ANKS1B: variants seen among roughly 807,000 people sequenced by gnomAD.
ANKS1B encodes ankyrin repeat and sterile alpha motif domain-containing protein 1B.
In ANKS1B, 36 loss-of-function variants were observed where a neutral mutation model predicts 148.3. The ratio of observed to expected loss-of-function variants is 0.24; its 90% CI spans 0.19 to 0.32. The LOEUF (loss-of-function observed/expected upper bound fraction) is 0.32, where lower values mean the gene tolerates loss of function less well. Among genes scored for constraint, ANKS1B ranks in the 10% least tolerant of loss-of-function variants. ANKS1B has a pLI of 1.00. For synonymous variants in ANKS1B, 542 were observed against 560.8 expected, an observed-to-expected ratio of 0.97 and a Z score of 0.47; for missense variants, 1,157 against 1,542.6, an observed-to-expected ratio of 0.75 and a Z score of 4.19.
At chr12:99,159,117 T>A (rs938334663) in intron 14 of ANKS1B, among the ~76,000 whole-genome samples, 1 of 152,182 alleles carries the variant, frequency 6.6e-6, no homozygotes, top group African/African-American at 2.4e-5. Flanking sequence ...GCTATCATTC[T>A]TGCCCCATGC....
chr12:99,797,744 C>T (rs563175593), intron 4 of ANKS1B, among the ~76,000 whole-genome samples: 1 of 151,662 alleles, frequency 6.6e-6, no homozygotes, highest in Non-Finnish European at 1.5e-5. Context: ...ATGTTAACAT[C>T]AATAACTGAA....
At chr12:99,620,104 T>G (rs1002175264) in intron 9 of ANKS1B, among the ~76,000 whole-genome samples, 1 of 152,024 alleles carries the variant, frequency 6.6e-6, no homozygotes, top group Non-Finnish European at 1.5e-5. Context: ...ATATAAACCC[T>G]GCCAACAGAA....
intron 1 of ANKS1B, among the ~76,000 whole-genome samples, chr12:99,845,914 G>A (rs2086597414): frequency 6.6e-6 from 1 of 151,942 alleles, no homozygotes; most frequent in Non-Finnish European, 1.5e-5. Flanking sequence ...GTCTCTTTAA[G>A]TTTTTCAGTT....
intron 22 of ANKS1B, among the ~76,000 whole-genome samples, chr12:98,788,772 T>C (rs1331564253): frequency 6.6e-6 from 1 of 152,250 alleles, no homozygotes; most frequent in Non-Finnish European, 1.5e-5. Context: ...TGAAAGTTAC[T>C]GTCAGAACTG....
chr12:99,686,190 C>T (rs2098648475), intron 8 of ANKS1B, among the ~76,000 whole-genome samples: 1 of 152,036 alleles, frequency 6.6e-6, no homozygotes, highest in African/African-American at 2.4e-5. Context: ...GCTGTCTCTG[C>T]ACTATGAGTT....
At chr12:99,217,072 T>C (rs550459116) in intron 14 of ANKS1B, among the ~76,000 whole-genome samples, 1 of 152,166 alleles carries the variant, frequency 6.6e-6, no homozygotes, top group African/African-American at 2.4e-5. Context: ...CCTGATGATT[T>C]TGGAGCCAAC....
chr12:99,338,579 T>C (rs2089372936), intron 12 of ANKS1B, among the ~76,000 whole-genome samples: 1 of 152,178 alleles, frequency 6.6e-6, no homozygotes, highest in Admixed American at 6.5e-5. Context: ...TTCCCTCTCC[T>C]TTCTTAAGCA....
At chr12:99,081,441 G>A (rs1285895200) in intron 16 of ANKS1B, among the ~76,000 whole-genome samples, 1 of 152,166 alleles carries the variant, frequency 6.6e-6, no homozygotes, top group Admixed American at 6.5e-5. Flanking sequence ...TTTTCTGGCA[G>A]TGCAAAGTTA....
In ANKS1B at chr12:99,812,287, C is replaced by T. The variant is rs2153667312; in HGVS notation, c.240G>A (p.Gln80=). 2 of 1,611,310 alleles carry T rather than the reference C, an allele frequency of 1.2e-6. No individual in the cohort carries two copies. The highest frequency in any genetic ancestry group is 1.7e-6 in the Non-Finnish European group (2 of 1,178,290). The change falls in exon 3 of 27, where the codon CAG becomes CAA. Residue 80 remains glutamine, a synonymous_variant. Coordinates refer to ENST00000683438, the MANE Select transcript of ANKS1B (RefSeq NM_001352186.2). ...CTGCTACATTTGTTGATGCCTCATA[C>T]TGAAGTAGTTTGAGAACTATGTCCC... The part of the protein sequence containing the change: ...GHKDIVLKLL[Q]YEASTNVADN...
In ANKS1B at chr12:98,799,127, T is replaced by TA. The variant is rs991834416; in HGVS notation, c.3271-123dup. ...CTGGCTGTAAGTTGTTGCATAACTT[T>TA]AAAAAACTGACAGTAACTAATCCTA... On this transcript the variant is annotated intron_variant, in intron 21 of 26. Transcript: ENST00000683438. The TA allele has an allele frequency of 7.3e-6, 4 of 549,620 alleles. No individual in the cohort carries two copies. In the Admixed American group the frequency reaches 1.1e-4, roughly 15 times the overall value. The allele number at this position is 549,620 out of a possible 1,614,324, so 34.0% of individuals were successfully genotyped here.
intron 12 of ANKS1B, among the ~76,000 whole-genome samples, chr12:99,391,390 T>C (rs1023171294): frequency 6.6e-6 from 1 of 152,208 alleles, no homozygotes; most frequent in Non-Finnish European, 1.5e-5. Context: ...CTCCTTTCTC[T>C]CTGACCTGCA....
At chr12:99,547,558 G>C (rs2097182454) in intron 9 of ANKS1B, among the ~76,000 whole-genome samples, 1 of 152,086 alleles carries the variant, frequency 6.6e-6, no homozygotes, top group African/African-American at 2.4e-5. Context: ...CCCAAAGTGA[G>C]GTGCCCTTTT....
chr12:99,965,919 A>C (rs2095479319), intron 1 of ANKS1B, among the ~76,000 whole-genome samples: 1 of 152,182 alleles, frequency 6.6e-6, no homozygotes, highest in Admixed American at 6.5e-5. Context: ...CTCCGAAAAC[A>C]ACCAAACATC....
intron 8 of ANKS1B, among the ~76,000 whole-genome samples, chr12:99,724,090 C>A (rs2058377963): frequency 6.6e-6 from 1 of 151,896 alleles, no homozygotes; most frequent in African/African-American, 2.4e-5. Context: ...GGCCAGAGTG[C>A]CTCTTCTCCT....
At chr12:99,813,179 C>T (rs1331961353) in intron 2 of ANKS1B, among the ~76,000 whole-genome samples, 1 of 151,516 alleles carries the variant, frequency 6.6e-6, no homozygotes, top group Non-Finnish European at 1.5e-5. Context: ...TAATCCCCAC[C>T]AGGTTTTCAA....
At chr12:98,974,189 A>G (rs1301946237) in intron 17 of ANKS1B, among the ~76,000 whole-genome samples, 1 of 152,214 alleles carries the variant, frequency 6.6e-6, no homozygotes, top group East Asian at 1.9e-4. Context: ...CTAGTGGCAG[A>G]GCAAGCCAAG....
chr12:99,707,963 G>A (rs935567988), intron 8 of ANKS1B, among the ~76,000 whole-genome samples: 1 of 152,072 alleles, frequency 6.6e-6, no homozygotes, highest in African/African-American at 2.4e-5. Flanking sequence ...AGAACAATGA[G>A]CCAAATGGGC....
chr12:98,887,214 T>C (rs2099742023), intron 17 of ANKS1B, among the ~76,000 whole-genome samples: 1 of 152,226 alleles, frequency 6.6e-6, no homozygotes, highest in Non-Finnish European at 1.5e-5. Context: ...GGAACCAATC[T>C]GATGTGTTTA....
chr12:99,742,604 G>A (rs897283584), intron 8 of ANKS1B, among the ~76,000 whole-genome samples: 1 of 151,766 alleles, frequency 6.6e-6, no homozygotes, highest in Non-Finnish European at 1.5e-5. Flanking sequence ...GGAGGCCAAG[G>A]CAGGCAGATC....
Sources: gnomAD v4.1 joint callset for allele counts (sites outside exome capture counted in the v4.1 genomes callset) on GRCh38, gnomAD v4.1.1 for gene constraint, MANE v1.5 for transcripts, NCBI Gene and HGNC (gene_info 2026-07-23, HGNC 2026-07-21) for gene names.